Variants in SMARCAD1 observed in about 807,000 individuals in gnomAD.
The protein encoded by SMARCAD1 is SNF2 related chromatin remodeling ATPase with DExD box 1.
In SMARCAD1, 25 loss-of-function variants were observed where a neutral mutation model predicts 127.1. The observed-to-expected ratio is 0.20, with a 90% CI of 0.14 to 0.27. The LOEUF is 0.27. Ranked by LOEUF, SMARCAD1 falls within the 10% of genes least tolerant of loss-of-function variation. The pLI is 1.00. For missense variants in SMARCAD1, 807 were observed against 1,206.0 expected (o/e 0.67, Z 4.90); for synonymous variants, 400 against 396.9 (o/e 1.01, Z -0.09).
rs35540192 is a variant in SMARCAD1, at chr4:94,252,559, CTATCTT to C, written c.890-53_890-48del. On this transcript the variant is annotated intron_variant, in intron 8 of 23. Coordinates refer to ENST00000354268, the MANE Select transcript of SMARCAD1 (RefSeq NM_020159.5). Reference sequence around the variant, plus strand: ...AATGTTTTAAGTTTTTATTTGAAGTCTATCTTTATATTTATGTATTTCTAATTTAGT... The same window carrying C: ...AATGTTTTAAGTTTTTATTTGAAGTCTATATTTATGTATTTCTAATTTAGT... The C allele has an allele frequency of 6.1e-3, 7,381 of 1,214,080 alleles. 324 individuals are homozygous for C. In the African/African-American group the frequency reaches 0.1, roughly 17 times the overall value. 75.2% of individuals were successfully genotyped at this position (1,214,080 alleles called of 1,614,324 possible). A position where few individuals can be genotyped will look rare whatever the true frequency, so the allele number is the denominator to read the frequency against.
chr4:94,275,626 T>G (rs76377863), intron 14 of SMARCAD1, among the ~76,000 whole-genome samples: 1,590 of 152,164 alleles, frequency 0.01, 24 homozygotes, highest in African/African-American at 0.036. Flanking sequence ...GGATCTAATC[T>G]GCTAGTTTAA....
chr4:94,256,424 A>G (rs1393332926), intron 9 of SMARCAD1, among the ~76,000 whole-genome samples: 1 of 152,058 alleles, frequency 6.6e-6, no homozygotes. Context: ...GTGCAATGGT[A>G]TGATCTCAGC....
chr4:94,259,569 A>G (rs1323022782), intron 9 of SMARCAD1, among the ~76,000 whole-genome samples: 1 of 152,142 alleles, frequency 6.6e-6, no homozygotes, highest in Non-Finnish European at 1.5e-5. Flanking sequence ...CAACTTCAAA[A>G]TAACCAAAAA....
chr4:94,246,277 G>A (rs1036405094), intron 6 of SMARCAD1, among the ~76,000 whole-genome samples: 51 of 151,882 alleles, frequency 3.4e-4, no homozygotes, highest in Non-Finnish European at 4.4e-5. Context: ...CTGCCACCAC[G>A]CCTGGCTAAT....
At chr4:94,239,179 T>C (rs1326244564) in intron 5 of SMARCAD1, among the ~76,000 whole-genome samples, 1 of 152,242 alleles carries the variant, frequency 6.6e-6, no homozygotes, top group African/African-American at 2.4e-5. Context: ...TGAGGTAGTA[T>C]ATAGAATGAC....
intron 2 of SMARCAD1, among the ~76,000 whole-genome samples, chr4:94,209,999 C>T (rs766541470): frequency 6.6e-6 from 1 of 152,144 alleles, no homozygotes; most frequent in African/African-American, 2.4e-5. Flanking sequence ...AATCTGTGAT[C>T]CACACTTTTT....
intron 7 of SMARCAD1, 106 bp downstream of exon 7, chr4:94,249,861 C>T: frequency 4.3e-6 from 3 of 702,172 alleles, no homozygotes; most frequent in Non-Finnish European, 7.7e-6. Flanking sequence ...GTTTTGTATT[C>T]TTCTAATTAA....
At chr4:94,289,414 A>G in intron 23 of SMARCAD1, 59 bp from the exon 24 acceptor site, 1 of 1,465,326 alleles carries the variant, frequency 6.8e-7, no homozygotes, top group Non-Finnish European at 9.5e-7. Context: ...TAATTGAGAC[A>G]ATTTTTTTTT....
intron 2 of SMARCAD1, among the ~76,000 whole-genome samples, chr4:94,215,211 CTGTTAA>C (rs1742976222): frequency 6.6e-6 from 1 of 152,104 alleles, no homozygotes. Context: ...TTCTTAATGT[CTGTTAA>C]TGTTAATTGA....
At chr4:94,260,616 G>A (rs1292293929) in intron 9 of SMARCAD1, among the ~76,000 whole-genome samples, 4 of 152,156 alleles carry the variant, frequency 2.6e-5, no homozygotes, top group Admixed American at 1.3e-4. Context: ...GATTACAGGC[G>A]TGAGCCACCA....
At chr4:94,243,205 C>T (rs1346383037) in intron 6 of SMARCAD1, among the ~76,000 whole-genome samples, 1 of 152,230 alleles carries the variant, frequency 6.6e-6, no homozygotes, top group Non-Finnish European at 1.5e-5. Context: ...TCTCCAAGTG[C>T]TGGGATTACA....
At chr4:94,270,393 C>G (rs1752386301) in intron 10 of SMARCAD1, among the ~76,000 whole-genome samples, 1 of 151,980 alleles carries the variant, frequency 6.6e-6, no homozygotes, top group African/African-American at 2.4e-5. Context: ...CAACACAATT[C>G]AATTTTCTAT....
chr4:94,241,468 T>G (rs2125884751), intron 6 of SMARCAD1, among the ~76,000 whole-genome samples: 1 of 152,282 alleles, frequency 6.6e-6, no homozygotes, highest in East Asian at 1.9e-4. Context: ...TGACCTCATT[T>G]TAACTTGAGT....
intron 10 of SMARCAD1, among the ~76,000 whole-genome samples, chr4:94,266,441 GT>G (rs771497379): frequency 3.4e-4 from 51 of 151,934 alleles, no homozygotes; most frequent in Non-Finnish European, 6.2e-4. Context: ...TGTTGTTGTT[GT>G]TTTTTTAAGT....
intron 5 of SMARCAD1, among the ~76,000 whole-genome samples, chr4:94,240,395 T>A (rs1747397199): frequency 6.6e-6 from 1 of 152,250 alleles, no homozygotes; most frequent in African/African-American, 2.4e-5. Context: ...GCTCTCTGTA[T>A]CTCTATCCTC....
At chr4:94,228,535 T>A (rs28374259) in intron 3 of SMARCAD1, among the ~76,000 whole-genome samples, 1 of 152,140 alleles carries the variant, frequency 6.6e-6, no homozygotes, top group Admixed American at 6.6e-5. Flanking sequence ...AGTAATGTCC[T>A]TTAGAGCATT....
intron 23 of SMARCAD1, among the ~76,000 whole-genome samples, chr4:94,287,088 TCTCCTGAC>T (rs950473272): frequency 6.6e-6 from 1 of 152,162 alleles, no homozygotes; most frequent in Non-Finnish European, 1.5e-5. Context: ...ATGGTCTTGA[TCTCCTGAC>T]CTCGTGAGCC....
rs978871437 is a variant in SMARCAD1 at position 94,277,042 on chromosome 4, C to T, written c.1965C>T (p.Leu655=). 6.2e-7 allele frequency: 1 copy of T among 1,614,050 alleles called. No individual in the cohort carries two copies. ...CACAGGCAAATAACCGTTTGCTGCT[C>T]ACAGGCACACCTGTACAGAACAATC... is the stretch of plus-strand genomic sequence containing the variant. The part of the protein sequence containing the change: ...MTINANNRLL[L]TGTPVQNNLL... Residue 655 remains leucine (L), a synonymous_variant, in exon 16 of 24, where the codon CTC becomes CTT. Coordinates refer to ENST00000354268, the MANE Select transcript of SMARCAD1 (RefSeq NM_020159.5).
intron 6 of SMARCAD1, among the ~76,000 whole-genome samples, chr4:94,242,027 C>A (rs1175609521): frequency 6.6e-6 from 1 of 150,830 alleles, no homozygotes; most frequent in Admixed American, 6.6e-5. Context: ...AGGATAACTT[C>A]TTTTTTTTTG....
Sources: gnomAD v4.1 joint callset for allele counts (sites outside exome capture counted in the v4.1 genomes callset) on GRCh38, gnomAD v4.1.1 for gene constraint, MANE v1.5 for transcripts, NCBI Gene and HGNC (gene_info 2026-07-23, HGNC 2026-07-21) for gene names.